The following TNIP3 variants were observed in gnomAD, a reference collection of about 807,000 sequenced individuals.
TNIP3 encodes the protein TNFAIP3-interacting protein 3.
TNIP3 carries 34 observed loss-of-function variants against 54.1 expected under a neutral mutation model. That is an observed-to-expected ratio of 0.63 (90% CI 0.48 to 0.84). The LOEUF is 0.84. TNIP3 is among the 40% of genes least tolerant of loss of function. The pLI is 0.00. For missense variants in TNIP3, 366 were observed against 387.6 expected (o/e 0.94, Z 0.47); for synonymous variants, 134 against 136.8 (o/e 0.98, Z 0.14).
At chr4:121,171,254 A>G (rs1731049544) in intron 3 of TNIP3, among the ~76,000 whole-genome samples, 3 of 152,210 alleles carry the variant, frequency 2.0e-5, no homozygotes, top group Admixed American at 6.5e-5. Context: ...GAATTTCAAG[A>G]GCTAGTGTTT....
At chr4:121,170,250 C>T (rs1026392489) in intron 3 of TNIP3, among the ~76,000 whole-genome samples, 1 of 152,174 alleles carries the variant, frequency 6.6e-6, no homozygotes, top group Non-Finnish European at 1.5e-5. Context: ...ATCACTTTAG[C>T]CTTAGGAACT....
intron 3 of TNIP3, among the ~76,000 whole-genome samples, chr4:121,169,802 T>A (rs1347827598): frequency 2.6e-5 from 4 of 152,232 alleles, no homozygotes; most frequent in African/African-American, 9.6e-5. Context: ...ACAGATTCCA[T>A]AGCCTCTTAG....
chr4:121,221,009 A>G (rs1727003959), upstream of TNIP3, among the ~76,000 whole-genome samples: 1 of 152,196 alleles, frequency 6.6e-6, no homozygotes, highest in Admixed American at 6.5e-5. Context: ...TGTTTAAAAA[A>G]ATCAATGAGA....
At chr4:121,189,751 C>T (rs756979617) in intron 2 of TNIP3, among the ~76,000 whole-genome samples, 3 of 152,142 alleles carry the variant, frequency 2.0e-5, no homozygotes, top group Non-Finnish European at 2.9e-5. Context: ...AAATAGATAT[C>T]GAAGAATTGT....
intron 3 of TNIP3, among the ~76,000 whole-genome samples, chr4:121,181,501 TTTTTAGACACGAAAA>T: frequency 6.6e-6 from 1 of 152,294 alleles, no homozygotes; most frequent in East Asian, 1.9e-4. Context: ...AAGAAGTGAG[TTTTTAGACACGAAAA>T]AGTGACTAAA....
rs1443239372 is a variant in TNIP3, at chr4:121,173,940, A to G, written c.189+8736T>C. 2.0e-5 allele frequency among the ~76,000 whole-genome samples: 3 copies of G among 152,208 alleles called. No homozygotes were observed. In the East Asian group the frequency reaches 5.8e-4, roughly 29 times the overall value. On this transcript the variant is annotated intron_variant, in intron 3 of 12. Coordinates refer to the TNIP3 transcript ENST00000507879. Reference sequence around the variant, plus strand: ...GCCATTGCACCTGACCAATGTATGCATTCTTGTATTAAATACTTATTGATT... The same window carrying G: ...GCCATTGCACCTGACCAATGTATGCGTTCTTGTATTAAATACTTATTGATT...
rs17051297 is a variant in TNIP3 at position 121,154,378 on chromosome 4, A to C, written c.492+173T>G. The C allele has an allele frequency of 1.6e-3, 1,303 of 795,816 alleles. 20 individuals are homozygous for C. The African/African-American group carries it at 0.021, about 13-fold the overall frequency. 49.3% of individuals were successfully genotyped at this position (795,816 alleles called of 1,614,324 possible). A position where few individuals can be genotyped will look rare whatever the true frequency, so the allele number is the denominator to read the frequency against. On this transcript the variant is annotated intron_variant, in intron 5 of 10. Transcript: ENST00000057513. ...AAATTCTCTAAAGCCTCCTTAGCCAAGTATGACTGAAAGCTGCAGCTAGGA... is the reference window on the plus strand; with the variant it reads ...AAATTCTCTAAAGCCTCCTTAGCCACGTATGACTGAAAGCTGCAGCTAGGA...
At chr4:121,198,029 T>C (rs974477376) in intron 2 of TNIP3, among the ~76,000 whole-genome samples, 4 of 152,222 alleles carry the variant, frequency 2.6e-5, no homozygotes. Flanking sequence ...ATGTTCATCA[T>C]GTTTTTAAAA....
At chr4:121,209,063 T>C (rs1276081646) in intron 2 of TNIP3, among the ~76,000 whole-genome samples, 1 of 152,222 alleles carries the variant, frequency 6.6e-6, no homozygotes, top group Admixed American at 6.5e-5. Context: ...TGGATATAAA[T>C]ACTCTTGAGC....
intron 2 of TNIP3, among the ~76,000 whole-genome samples, chr4:121,186,398 G>A (rs1410054017): frequency 1.3e-5 from 2 of 152,146 alleles, no homozygotes; most frequent in African/African-American, 2.4e-5. Context: ...TTTTCTCATT[G>A]CCAATATGAT....
chr4:121,222,640 GT>G, intron 1 of TNIP3, among the ~76,000 whole-genome samples: 1 of 152,252 alleles, frequency 6.6e-6, no homozygotes, highest in East Asian at 1.9e-4. Context: ...CCAAATAAAT[GT>G]GAGAGAATTT....
intron 5 of TNIP3, among the ~76,000 whole-genome samples, chr4:121,153,005 G>C (rs972155862): frequency 6.6e-6 from 1 of 151,956 alleles, no homozygotes; most frequent in African/African-American, 2.4e-5. Flanking sequence ...TAAATTCCAA[G>C]GAAAAATTAA....
At chr4:121,134,888 G>A (rs1219768936) in intron 10 of TNIP3, among the ~76,000 whole-genome samples, 6 of 152,158 alleles carry the variant, frequency 3.9e-5, no homozygotes, top group Non-Finnish European at 7.4e-5. Context: ...GCACATCCCC[G>A]AAGTCCCTGC....
chr4:121,140,514 A>G (rs1729054128), intron 9 of TNIP3, among the ~76,000 whole-genome samples: 1 of 152,126 alleles, frequency 6.6e-6, no homozygotes, highest in African/African-American at 2.4e-5. Flanking sequence ...CCTTCTTTCC[A>G]TAAAGAAATA....
At chr4:121,185,427 T>G (rs1724962078) in intron 2 of TNIP3, among the ~76,000 whole-genome samples, 1 of 152,218 alleles carries the variant, frequency 6.6e-6, no homozygotes, top group African/African-American at 2.4e-5. Context: ...TAATTCTGTT[T>G]TATTTTCTTC....
intron 3 of TNIP3, among the ~76,000 whole-genome samples, chr4:121,178,326 T>C (rs1203220949): frequency 6.6e-6 from 1 of 152,130 alleles, no homozygotes; most frequent in East Asian, 1.9e-4. Flanking sequence ...CAAGAGTAGG[T>C]GCTCAATACA....
intron 2 of TNIP3, among the ~76,000 whole-genome samples, chr4:121,199,947 C>T (rs998254458): frequency 7.2e-5 from 11 of 152,126 alleles, no homozygotes; most frequent in African/African-American, 2.7e-4. Context: ...GCTGCATATG[C>T]CCAGAAGAAA....
At chr4:121,163,894 A>T (rs567222019) in intron 1 of TNIP3, among the ~76,000 whole-genome samples, 166 bp downstream of exon 1, 14 of 152,336 alleles carry the variant, frequency 9.2e-5, no homozygotes, top group African/African-American at 3.4e-4. Flanking sequence ...GGTTACTTAG[A>T]TATTTTTTTC....
intron 4 of TNIP3, among the ~76,000 whole-genome samples, chr4:121,155,484 G>A (rs568971424): frequency 1.6e-4 from 25 of 152,256 alleles, no homozygotes; most frequent in Middle Eastern, 3.4e-3. Context: ...ATTATTTAGA[G>A]CACTCTATTG....
Sources: allele counts gnomAD v4.1 joint callset (sites outside exome capture counted in the v4.1 genomes callset), GRCh38; gene constraint gnomAD v4.1.1; transcripts MANE v1.5; gene names NCBI Gene and HGNC (gene_info 2026-07-23, HGNC 2026-07-21).